Variants in HDAC4 observed in about 807,000 individuals in gnomAD.
The protein encoded by HDAC4 is histone deacetylase 4, also known as histone deacetylase A.
HDAC4 carries 16 observed loss-of-function variants against 135.1 expected under a neutral mutation model. The observed-to-expected ratio is 0.12, with a 90% CI of 0.08 to 0.18. The LOEUF is 0.18. Ranked by LOEUF, HDAC4 falls within the 10% of genes least tolerant of loss-of-function variation. The pLI, the probability that HDAC4 is intolerant of heterozygous loss-of-function variation, is 1.00. For synonymous variants in HDAC4, 685 were observed against 653.4 expected (o/e 1.05, Z -0.74); for missense variants, 1,143 against 1,511.8 (o/e 0.76, Z 4.05).
intron 22 of HDAC4, among the ~76,000 whole-genome samples, chr2:239,076,172 G>C (rs1403672145): frequency 1.3e-5 from 2 of 151,772 alleles, no homozygotes; most frequent in African/African-American, 4.8e-5. Context: ...GGGCTTCCCA[G>C]GGGAACAGAG....
At chr2:239,159,448 A>G (rs2042645380) in intron 6 of HDAC4, among the ~76,000 whole-genome samples, 3 of 99,306 alleles carry the variant, frequency 3.0e-5, no homozygotes, top group Non-Finnish European at 4.1e-5. Context: ...CCGCACTCAC[A>G]CCCATCTACC....
At chr2:239,372,573 C>A (rs1694703364) in intron 1 of HDAC4, among the ~76,000 whole-genome samples, 1 of 152,252 alleles carries the variant, frequency 6.6e-6, no homozygotes, top group African/African-American at 2.4e-5. Context: ...GCTCCCACTC[C>A]TACATCCCGG....
intron 4 of HDAC4, among the ~76,000 whole-genome samples, chr2:239,185,275 T>G (rs1171611262): frequency 6.6e-6 from 1 of 151,610 alleles, no homozygotes; most frequent in African/African-American, 2.4e-5. Flanking sequence ...TGCCTCGGTG[T>G]CTTCTGGGGA....
At chr2:239,257,182 C>CA (rs1356404795) in intron 2 of HDAC4, among the ~76,000 whole-genome samples, 2 of 146,628 alleles carry the variant, frequency 1.4e-5, no homozygotes, top group African/African-American at 5.1e-5. Context: ...TGTTTTTGAC[C>CA]AAAAAAACTC....
At chr2:239,264,877 C>T (rs932386029) in intron 2 of HDAC4, among the ~76,000 whole-genome samples, 10 of 152,196 alleles carry the variant, frequency 6.6e-5, no homozygotes, top group African/African-American at 2.4e-4. Flanking sequence ...CTGAAGGCCC[C>T]CATATGCTGC....
chr2:239,060,512 C>T (rs557537541), intron 24 of HDAC4, among the ~76,000 whole-genome samples: 13 of 152,306 alleles, frequency 8.5e-5, no homozygotes, highest in African/African-American at 1.9e-4. Context: ...TCTGCCGTGG[C>T]GGTCATGAGG....
At chr2:239,342,523 T>C (rs1692354885) in intron 2 of HDAC4, among the ~76,000 whole-genome samples, 1 of 152,172 alleles carries the variant, frequency 6.6e-6, no homozygotes, top group Non-Finnish European at 1.5e-5. Context: ...AAAAAACAAA[T>C]ACGTTACAAT....
chr2:239,254,851 C>T (rs1464679561), intron 2 of HDAC4, among the ~76,000 whole-genome samples: 2 of 152,146 alleles, frequency 1.3e-5, no homozygotes. Flanking sequence ...TGCAATAAAA[C>T]ATTTAAACAC....
intron 3 of HDAC4, among the ~76,000 whole-genome samples, chr2:239,197,968 C>T (rs1250692826): frequency 1.3e-5 from 2 of 151,576 alleles, no homozygotes; most frequent in Non-Finnish European, 2.9e-5. Context: ...ATTCTCATGC[C>T]TTGCCTCCCG....
Position 239,065,585 on chromosome 2 carries a change from C to T in HDAC4, c.3003+1137G>A, listed in dbSNP as rs544111181. Among the ~76,000 whole-genome samples the T allele has an allele frequency of 5.3e-5, 8 of 152,332 alleles. No individual in the cohort carries two copies. The South Asian group carries it at 1.4e-3, about 28-fold the overall frequency. ...ACACCCCCACTAAAGTGCCCTGTCA[C>T]CCCGACTCTACTGAGACTGTCCTCA... On this transcript the variant is annotated intron_variant, in intron 24 of 26. Coordinates refer to ENST00000543185, the MANE Select transcript of HDAC4 (RefSeq NM_001378414.1).
At position 239,303,453 on chromosome 2, in the gene HDAC4, C is replaced by T. The variant is rs1361979489; in HGVS notation, c.22+49225G>A. Among the ~76,000 whole-genome samples, 2 of 152,096 alleles carry T rather than the reference C, an allele frequency of 1.3e-5. No homozygotes were observed. Among genetic ancestry groups the T allele is most frequent in the African/African-American group, 2.4e-5 (1 of 41,432 alleles). On this transcript the variant is annotated intron_variant, in intron 2 of 26. Transcript: ENST00000543185. This position sits in a 1 kb window ranked among gnomAD's most constrained non-coding sequence, Gnocchi z 5.1. The stretch of plus-strand genomic sequence containing the variant: ...TGGCCCACAGGGCATCCTGCGAGAG[C>T]GTCACAAGCACCCCACGAACAAGAC...
intron 6 of HDAC4, among the ~76,000 whole-genome samples, chr2:239,159,542 C>T (rs947211414): frequency 3.3e-5 from 5 of 151,564 alleles, no homozygotes; most frequent in Admixed American, 6.6e-5. Flanking sequence ...CCACCTCCCA[C>T]ACACACACCC....
intron 2 of HDAC4, among the ~76,000 whole-genome samples, chr2:239,247,514 G>C (rs532770218): frequency 6.6e-6 from 1 of 152,194 alleles, no homozygotes; most frequent in African/African-American, 2.4e-5. Flanking sequence ...CAGTGCCGCA[G>C]CCGGGGCCCG....
intron 2 of HDAC4, among the ~76,000 whole-genome samples, chr2:239,340,692 CT>C (rs1393828150): frequency 2.0e-5 from 3 of 152,196 alleles, no homozygotes; most frequent in Admixed American, 1.3e-4. Flanking sequence ...AACCACCTGC[CT>C]TGAATGAAGC....
intron 3 of HDAC4, among the ~76,000 whole-genome samples, chr2:239,225,580 G>C (rs1341237584): frequency 1.3e-5 from 2 of 152,332 alleles, no homozygotes; most frequent in Admixed American, 6.5e-5. Flanking sequence ...GAGCAGGAGA[G>C]GGAAGCCAGG....
intron 16 of HDAC4, among the ~76,000 whole-genome samples, chr2:239,099,320 C>T (rs565448486): frequency 5.3e-5 from 8 of 152,328 alleles, no homozygotes; most frequent in African/African-American, 1.4e-4. Context: ...TGGAGGTGGG[C>T]GCACAGAACT....
chr2:239,206,722 G>T (rs74000521), intron 3 of HDAC4, among the ~76,000 whole-genome samples: 1 of 151,196 alleles, frequency 6.6e-6, no homozygotes, highest in Non-Finnish European at 1.5e-5. Context: ...CTTCATGACA[G>T]GTGCCAATCA....
rs190609389 is a variant in HDAC4, at chr2:239,281,121, T to C, written c.23-44457A>G. On this transcript the variant is annotated intron_variant, in intron 2 of 26. Coordinates refer to ENST00000543185, the MANE Select transcript of HDAC4 (RefSeq NM_001378414.1). ...ACTCTACACACAATGTACACACCAC[T>C]CTCAATGTACACACCACTCTACAAT... Among the ~76,000 whole-genome samples, 32 of 112,026 alleles carry C rather than the reference T, an allele frequency of 2.9e-4. No individual in the cohort carries two copies. In the East Asian group the frequency reaches 6.3e-3, roughly 22 times the overall value. 73.5% of individuals were successfully genotyped at this position (112,026 alleles called of 152,430 possible).
chr2:239,174,573 T>TA (rs2043639265), intron 5 of HDAC4, among the ~76,000 whole-genome samples: 2 of 152,306 alleles, frequency 1.3e-5, no homozygotes, highest in East Asian at 3.9e-4. Context: ...GTACACTACT[T>TA]TGAAAACTTT....
Sources: allele counts gnomAD v4.1 joint callset (sites outside exome capture counted in the v4.1 genomes callset), GRCh38; gene constraint gnomAD v4.1.1; non-coding constraint Gnocchi (gnomAD v3.1); transcripts MANE v1.5; gene names NCBI Gene and HGNC (gene_info 2026-07-23, HGNC 2026-07-21).